PCDHGA9: variants seen among roughly 807,000 people sequenced by gnomAD.
PCDHGA9 encodes the protein protocadherin gamma subfamily A, 9, also known as protocadherin gamma-A9.
In PCDHGA9, 37 loss-of-function variants were observed where a neutral mutation model predicts 62.5. The observed-to-expected ratio is 0.59, with a 90% confidence interval of 0.46 to 0.78. The LOEUF is 0.78. PCDHGA9 is among the 30% of genes least tolerant of loss of function. PCDHGA9 has a pLI of 0.00. For synonymous variants in PCDHGA9, 459 were observed against 484.6 expected, an observed-to-expected ratio of 0.95 and a Z score of 0.69; for missense variants, 1,138 against 1,166.2, an observed-to-expected ratio of 0.98 and a Z score of 0.35.
intron 1 of PCDHGA9, among the ~76,000 whole-genome samples, chr5:141,457,687 G>A (rs2098927754): frequency 6.6e-6 from 1 of 152,198 alleles, no homozygotes; most frequent in Admixed American, 6.5e-5. Context: ...TAGGACTTTT[G>A]GATTGGCTTT....
At chr5:141,420,094 G>A in intron 1 of PCDHGA9, 7 of 1,614,058 alleles carry the variant, frequency 4.3e-6, no homozygotes, top group Non-Finnish European at 5.9e-6. Flanking sequence ...ACTACAGTGA[G>A]GGAACGTTGC....
chr5:141,450,454 G>A (rs144071286), intron 1 of PCDHGA9, among the ~76,000 whole-genome samples: 3,498 of 151,958 alleles, frequency 0.023, 60 homozygotes, highest in Middle Eastern at 0.051. Flanking sequence ...ATGTTTCCTC[G>A]TGATTTTATA....
chr5:141,423,078 C>A (rs752144906), intron 1 of PCDHGA9: 1 of 1,613,990 alleles, frequency 6.2e-7, no homozygotes, highest in Admixed American at 1.7e-5. Context: ...AGCCGGGACT[C>A]TTCGCGGTGG....
intron 1 of PCDHGA9, chr5:141,426,713 AC>A: frequency 2.2e-6 from 1 of 445,196 alleles, no homozygotes; most frequent in Middle Eastern, 3.3e-4. Flanking sequence ...AAATCAATGA[AC>A]TAGCAATTCC....
chr5:141,478,716 G>T, intron 1 of PCDHGA9: 1 of 1,545,206 alleles, frequency 6.5e-7, no homozygotes. Flanking sequence ...TGAGATGGTG[G>T]CCTGCCAGAG....
chr5:141,422,140 C>T (rs1275997338), intron 1 of PCDHGA9: 15 of 1,586,774 alleles, frequency 9.5e-6, no homozygotes, highest in Non-Finnish European at 1.3e-5. Flanking sequence ...AGTTCAAGTA[C>T]GGGGGTCTCT....
At chr5:141,448,639 T>C (rs1248697237) in intron 1 of PCDHGA9, among the ~76,000 whole-genome samples, 1 of 152,148 alleles carries the variant, frequency 6.6e-6, no homozygotes, top group Non-Finnish European at 1.5e-5. Context: ...CATTATATCC[T>C]TTAAAAATAT....
chr5:141,414,537 T>C (rs2095757230), intron 1 of PCDHGA9: 1 of 1,613,978 alleles, frequency 6.2e-7, no homozygotes, highest in Non-Finnish European at 8.5e-7. Flanking sequence ...ACAACCCACC[T>C]ACCTTCTCTC....
chr5:141,491,712 G>A lies in PCDHGA9; in HGVS notation c.2425-3095G>A, dbSNP rs932849130. On this transcript the variant is annotated intron_variant, in intron 1 of 3. Coordinates refer to ENST00000573521, the MANE Select transcript of PCDHGA9 (RefSeq NM_018921.3). The surrounding 1 kb of genome is among the most constrained non-coding windows in gnomAD (Gnocchi z 6.9). Reference sequence around the variant, plus strand: ...GGGAGCGGAGCCAGGTGAGGGGCTCGGCGCCGCCCCGGGCGACCCCTGGGG... The same window carrying A: ...GGGAGCGGAGCCAGGTGAGGGGCTCAGCGCCGCCCCGGGCGACCCCTGGGG... The A allele has an allele frequency of 1.2e-6, 2 of 1,609,290 alleles. No homozygotes were observed. Among genetic ancestry groups the A allele is most frequent in the East Asian group, 2.2e-5 (1 of 44,760 alleles).
chr5:141,497,840 C>T (rs1326804289), intron 2 of PCDHGA9, among the ~76,000 whole-genome samples: 1 of 152,154 alleles, frequency 6.6e-6, no homozygotes, highest in Non-Finnish European at 1.5e-5. Context: ...CCGGCCACAA[C>T]AAACATTTTT....
In PCDHGA9 at chr5:141,404,620, T is replaced by C; in HGVS notation, c.1668T>C (p.Asn556=). The C allele has an allele frequency of 1.2e-6, 2 of 1,614,162 alleles. No homozygotes were observed. Among genetic ancestry groups the C allele is most frequent in the Non-Finnish European group, 1.7e-6 (2 of 1,180,008 alleles). ...VSLRLFVLDQ[N]DNAPEILYPA... is the part of the protein sequence containing the mutation. ...TGAGACTGTTTGTTTTGGACCAGAATGACAATGCCCCAGAAATCCTGTACC... is the reference window on the plus strand; with the variant it reads ...TGAGACTGTTTGTTTTGGACCAGAACGACAATGCCCCAGAAATCCTGTACC... Residue 556 remains asparagine, a synonymous_variant, in exon 1 of 4, where the codon AAT becomes AAC. Coordinates refer to ENST00000573521, the MANE Select transcript of PCDHGA9 (RefSeq NM_018921.3).
chr5:141,427,046 C>G (rs916723344), intron 1 of PCDHGA9: 2 of 457,362 alleles, frequency 4.4e-6, no homozygotes, highest in Admixed American at 4.7e-5. Context: ...AGAATGTGCC[C>G]CCAGGCACCT....
intron 2 of PCDHGA9, among the ~76,000 whole-genome samples, chr5:141,501,334 C>T (rs1462003251): frequency 6.9e-6 from 1 of 145,376 alleles, no homozygotes; most frequent in Non-Finnish European, 1.5e-5. Context: ...CACACACACA[C>T]CCCAAACTCA....
At chr5:141,418,357 G>T (rs375883635) in intron 1 of PCDHGA9, 2 of 1,613,864 alleles carry the variant, frequency 1.2e-6, no homozygotes, top group African/African-American at 2.7e-5. Flanking sequence ...GTATGAATTC[G>T]CTGAGCAAAT....
intron 1 of PCDHGA9, chr5:141,410,847 G>GTTTTTTT (rs773839667): frequency 8.8e-5 from 14 of 158,320 alleles, no homozygotes; most frequent in African/African-American, 4.2e-4. Flanking sequence ...TTTTGTCTTT[G>GTTTTTTT]TCTTTTTTTT....
chr5:141,447,123 TTTTG>T (rs1327676720), intron 1 of PCDHGA9, among the ~76,000 whole-genome samples: 7 of 152,278 alleles, frequency 4.6e-5, no homozygotes, highest in African/African-American at 1.4e-4. Context: ...CCATGGATTT[TTTTG>T]TTTGTTTGTT....
chr5:141,406,253 C>CA (rs2094783585), intron 1 of PCDHGA9, among the ~76,000 whole-genome samples: 1 of 151,976 alleles, frequency 6.6e-6, no homozygotes, highest in Admixed American at 6.6e-5. Flanking sequence ...AGACTGGTCT[C>CA]AAACGATCTT....
chr5:141,462,388 C>T (rs529638718), intron 1 of PCDHGA9, among the ~76,000 whole-genome samples: 86 of 152,204 alleles, frequency 5.7e-4, no homozygotes, highest in Non-Finnish European at 9.4e-4. Context: ...AATTCGTTAA[C>T]ATTTCTTTTA....
intron 1 of PCDHGA9, chr5:141,423,923 G>C: frequency 8.0e-7 from 1 of 1,254,744 alleles, no homozygotes; most frequent in Non-Finnish European, 1.0e-6. Flanking sequence ...CAACTATGCT[G>C]GTTTGGTTTG....
Sources: gnomAD v4.1 joint callset for allele counts (sites outside exome capture counted in the v4.1 genomes callset) on GRCh38, gnomAD v4.1.1 for gene constraint, Gnocchi (gnomAD v3.1) non-coding constraint, MANE v1.5 for transcripts, NCBI Gene and HGNC (gene_info 2026-07-23, HGNC 2026-07-21) for gene names.